The following EMC8 variants were observed in gnomAD, a reference collection of about 807,000 sequenced individuals.
EMC8 encodes ER membrane protein complex subunit 8.
A neutral mutation model predicts 24.3 loss-of-function variants in EMC8; 11 were observed. The ratio of observed to expected loss-of-function variants is 0.45; its 90% CI spans 0.28 to 0.75. The LOEUF (loss-of-function observed/expected upper bound fraction) is 0.75. EMC8 is among the 30% of genes least tolerant of loss of function. The pLI is 0.12. For missense variants in EMC8, 277 were observed against 282.7 expected, an observed-to-expected ratio of 0.98 and a Z score of 0.14; for synonymous variants, 145 against 117.7, an observed-to-expected ratio of 1.23 and a Z score of -1.50.
At chr16:85,781,813 G>C (rs1904517730) in intron 2 of EMC8, 2 of 153,664 alleles carry the variant, frequency 1.3e-5, no homozygotes, top group Admixed American at 1.3e-4. Flanking sequence ...AAATCGCAGG[G>C]GTCAGCACAT....
intron 1 of EMC8, among the ~76,000 whole-genome samples, chr16:85,789,296 A>G (rs1280334711): frequency 6.6e-6 from 1 of 152,238 alleles, no homozygotes; most frequent in Admixed American, 6.5e-5. Flanking sequence ...CAGGTACTGG[A>G]TTGGTACAGT....
rs1904445010 is a variant in EMC8 at position 85,780,599 on chromosome 16, G to A, written c.379-126C>T. 4.4e-6 allele frequency: 3 copies of A among 679,084 alleles called. No homozygotes were observed. In the Admixed American group the frequency reaches 6.4e-5, roughly 14 times the overall value. The allele number at this position is 679,084 out of a possible 1,614,324, so 42.1% of individuals were successfully genotyped here. On this transcript the variant is annotated intron_variant, in intron 3 of 4. Transcript: ENST00000253457. Reference sequence around the variant, plus strand: ...CTGGGGCAGAGACTCTTCCGACAGAGCCTGTATGCAGAGTGGCGCGAGTGT... The same window carrying A: ...CTGGGGCAGAGACTCTTCCGACAGAACCTGTATGCAGAGTGGCGCGAGTGT...
chr16:85,784,101 C>T (rs1904638907), intron 2 of EMC8, among the ~76,000 whole-genome samples: 1 of 152,176 alleles, frequency 6.6e-6, no homozygotes, highest in Non-Finnish European at 1.5e-5. Context: ...CGGGTTCACG[C>T]CATTCTCCTG....
chr16:85,794,557 T>C (rs1425449319), intron 1 of EMC8, among the ~76,000 whole-genome samples: 53 of 152,064 alleles, frequency 3.5e-4, no homozygotes, highest in Non-Finnish European at 2.9e-5. Flanking sequence ...TGCGTGGCGG[T>C]GTGCGCTGGT....
intron 4 of EMC8, 34 bp from the exon 5 acceptor site, chr16:85,779,901 CAG>C: frequency 1.2e-6 from 2 of 1,608,810 alleles, no homozygotes; most frequent in Non-Finnish European, 1.7e-6. Context: ...CAGCATCTAA[CAG>C]TGAAAACGGG....
chr16:85,792,618 G>A (rs1905064932), intron 1 of EMC8: 1 of 152,496 alleles, frequency 6.6e-6, no homozygotes, highest in African/African-American at 2.4e-5. Flanking sequence ...GGAGTGGAGT[G>A]GGCTGGGGGA....
At chr16:85,797,156 C>T (rs997307752) in intron 1 of EMC8, among the ~76,000 whole-genome samples, 3 of 152,156 alleles carry the variant, frequency 2.0e-5, no homozygotes, top group Admixed American at 1.3e-4. Context: ...GCCTGGAATC[C>T]CAGCACTTTG....
chr16:85,789,170 T>C (rs1266259824), intron 1 of EMC8, 120 bp from the exon 2 acceptor site: 3 of 736,286 alleles, frequency 4.1e-6, no homozygotes, highest in Middle Eastern at 2.3e-4. Context: ...TTAATCCTCA[T>C]ACCCTACACC....
rs1255919366 is a variant in EMC8 at position 85,788,818 on chromosome 16, TCC to T, written c.308+154_308+155del. The stretch of plus-strand genomic sequence containing the variant: ...TTGGAATTTCTGTTGTTTGGAATTA[TCC>T]ACACCACAGTTCGCCTCAAATACTA... On this transcript the variant is annotated intron_variant, in intron 2 of 4. Coordinates refer to ENST00000253457, the MANE Select transcript of EMC8 (RefSeq NM_006067.5). 7.7e-6 allele frequency: 5 copies of T among 648,606 alleles called. No individual in the cohort carries two copies. The African/African-American group carries it at 9.2e-5, about 12-fold the overall frequency. The allele number at this position is 648,606 out of a possible 1,614,324, so 40.2% of individuals were successfully genotyped here. A position where few individuals can be genotyped will look rare whatever the true frequency, so the allele number is the denominator to read the frequency against.
intron 2 of EMC8, 174 bp from the exon 3 acceptor site, chr16:85,781,454 A>AGG (rs1904494226): frequency 1.7e-6 from 1 of 590,448 alleles, no homozygotes; most frequent in Non-Finnish European, 3.1e-6. Context: ...TGGTAGAGAT[A>AGG]GGGTCTTGCT....
intron 2 of EMC8, among the ~76,000 whole-genome samples, chr16:85,788,541 A>G (rs892783788): frequency 6.6e-6 from 1 of 152,252 alleles, no homozygotes; most frequent in Non-Finnish European, 1.5e-5. Flanking sequence ...GAGCCAGTAT[A>G]AAGGGGGCAG....
At chr16:85,788,530 G>A (rs1416889579) in intron 2 of EMC8, among the ~76,000 whole-genome samples, 2 of 152,232 alleles carry the variant, frequency 1.3e-5, no homozygotes, top group Non-Finnish European at 2.9e-5. Flanking sequence ...AAAGAAAGAA[G>A]GAGCCAGTAT....
chr16:85,788,970 G>A lies in EMC8; in HGVS notation c.308+4C>T, dbSNP rs1353567081. 6.8e-6 allele frequency: 11 copies of A among 1,606,638 alleles called. No homozygotes were observed. The highest frequency in any genetic ancestry group is 1.6e-4 in the Middle Eastern group (1 of 6,070). On this transcript the variant is annotated splice_donor_region_variant and intron_variant, in intron 2 of 4. Coordinates refer to ENST00000253457, the MANE Select transcript of EMC8 (RefSeq NM_006067.5). ...CGCCCACAGAGGGTTCTGCATCCAC[G>A]TACCTGGCATCCTTTACTCGCTCAT...
chr16:85,796,115 G>A (rs1303934040), intron 1 of EMC8, among the ~76,000 whole-genome samples: 1 of 151,928 alleles, frequency 6.6e-6, no homozygotes, highest in Non-Finnish European at 1.5e-5. Context: ...ATCCATCTCT[G>A]GTCTCTGTAC....
In EMC8 at chr16:85,780,439, G is replaced by T; in HGVS notation, c.413C>A (p.Ala138Glu). The T allele has an allele frequency of 6.2e-7, 1 of 1,614,154 alleles. No individual in the cohort carries two copies. Residue 138 changes from alanine (A) to glutamate (E), a missense_variant, in exon 4 of 5, where the codon GCG (alanine) becomes GAG (glutamate). Ala to Glu is a moderately radical substitution (Grantham distance 107, BLOSUM62 -1). Coordinates refer to ENST00000253457, the MANE Select transcript of EMC8 (RefSeq NM_006067.5). ...DNTKFTMDCV[A>E]PTIHVYEHHE... ...GTGCTCGTACACGTGGATCGTAGGC[G>T]CTACGCAGTCCATCGTAAACTTGGT...
At chr16:85,789,147 A>C in intron 1 of EMC8, 97 bp from the exon 2 acceptor site, 1 of 827,898 alleles carries the variant, frequency 1.2e-6, no homozygotes, top group Admixed American at 1.8e-5. Flanking sequence ...CTGGGACAAG[A>C]CATGACAGAA....
chr16:85,781,128 GA>G lies in EMC8; in HGVS notation c.378+82del, dbSNP rs1461122893. 7.1e-6 allele frequency: 7 copies of G among 980,660 alleles called. No individual in the cohort carries two copies. The East Asian group carries it at 1.7e-4, about 24-fold the overall frequency. The allele number at this position is 980,660 out of a possible 1,614,324, so 60.7% of individuals were successfully genotyped here. A position where few individuals can be genotyped will look rare whatever the true frequency, so the allele number is the denominator to read the frequency against. The stretch of plus-strand genomic sequence containing the variant: ...AGATAAATGAGTGAAGGGGTTAGCG[GA>G]AAGGAAACCGCCGCAGAGCAAGCTC... On this transcript the variant is annotated intron_variant, in intron 3 of 4. Coordinates refer to ENST00000253457, the MANE Select transcript of EMC8 (RefSeq NM_006067.5).
chr16:85,799,088 TG>T lies in EMC8; in HGVS notation c.207del (p.Met70CysfsTer8), dbSNP rs1597212274. 2 of 1,562,170 alleles carry T rather than the reference TG, an allele frequency of 1.3e-6. No homozygotes were observed. Among genetic ancestry groups the T allele is most frequent in the Non-Finnish European group, 8.7e-7 (1 of 1,153,072 alleles). ...ACCAGGGTGAGAGCCACCTCCAGCA[TG>T]GGGGCGAGGGCCAGGGTGCCGTGGA... ...PLFHGTLALA[P>X]MLEVALTLID... On this transcript the variant is annotated frameshift_variant, in exon 1 of 5. Transcript: ENST00000253457. LOFTEE classifies it high-confidence loss of function. This position sits in a 1 kb window ranked among gnomAD's most constrained non-coding sequence, Gnocchi z 4.2.
chr16:85,795,014 A>G (rs1338601192), intron 1 of EMC8, among the ~76,000 whole-genome samples: 1 of 152,194 alleles, frequency 6.6e-6, no homozygotes, highest in Non-Finnish European at 1.5e-5. Context: ...ATTCATGTAC[A>G]GGTGACTTGA....
Sources: allele counts gnomAD v4.1 joint callset (sites outside exome capture counted in the v4.1 genomes callset), GRCh38; gene constraint gnomAD v4.1.1; non-coding constraint Gnocchi (gnomAD v3.1); transcripts MANE v1.5; gene names NCBI Gene and HGNC (gene_info 2026-07-23, HGNC 2026-07-21).